Variants in APBB2 observed in about 807,000 individuals in gnomAD.
APBB2 encodes amyloid beta precursor protein binding family B member 2.
In APBB2, 38 loss-of-function variants were observed where a neutral mutation model predicts 82.5. The ratio of observed to expected loss-of-function variants is 0.46; its 90% CI spans 0.36 to 0.60. The LOEUF (loss-of-function observed/expected upper bound fraction) is 0.60. APBB2 is among the 20% of genes least tolerant of loss of function. The pLI is 0.00. For missense variants in APBB2, 772 were observed against 972.3 expected (o/e 0.79, Z 2.74); for synonymous variants, 341 against 368.2 (o/e 0.93, Z 0.85).
chr4:41,120,138 T>C (rs1580202013), intron 2 of APBB2, among the ~76,000 whole-genome samples: 1 of 152,320 alleles, frequency 6.6e-6, no homozygotes, highest in African/African-American at 2.4e-5. Context: ...CTTCAAGGCC[T>C]GGCTCCATGC....
At chr4:41,193,306 A>G (rs1294965878) in intron 1 of APBB2, among the ~76,000 whole-genome samples, 1 of 152,254 alleles carries the variant, frequency 6.6e-6, no homozygotes, top group African/African-American at 2.4e-5. Flanking sequence ...ACTCTGTGAC[A>G]GGCCTCTTAG....
intron 1 of APBB2, among the ~76,000 whole-genome samples, chr4:41,148,327 G>C (rs1199920018): frequency 6.6e-6 from 1 of 152,162 alleles, no homozygotes; most frequent in South Asian, 2.1e-4. Flanking sequence ...AGAGGTTGTG[G>C]TTCCAGGTCT....
chr4:40,960,548 C>T (rs112852342), intron 6 of APBB2, among the ~76,000 whole-genome samples: 33,789 of 148,164 alleles, frequency 0.23, 3,921 homozygotes, highest in Middle Eastern at 0.27. Context: ...CCCGAGTTCA[C>T]GCCATTCTCC....
At chr4:41,014,475 T>A (rs772828858) in intron 5 of APBB2, 77 bp from the exon 6 acceptor site, 2 of 1,339,488 alleles carry the variant, frequency 1.5e-6, no homozygotes, top group Admixed American at 2.0e-5. Flanking sequence ...TATTTTTATA[T>A]AGAAAACTAA....
At chr4:40,957,154 A>T (rs1417957454) in intron 6 of APBB2, among the ~76,000 whole-genome samples, 1 of 152,226 alleles carries the variant, frequency 6.6e-6, no homozygotes, top group Non-Finnish European at 1.5e-5. Flanking sequence ...GCACATAGTA[A>T]TCACTCAGTA....
At chr4:40,873,828 C>A (rs909916271) in intron 12 of APBB2, among the ~76,000 whole-genome samples, 1 of 152,100 alleles carries the variant, frequency 6.6e-6, no homozygotes, top group Non-Finnish European at 1.5e-5. Context: ...GGGAAAAAAC[C>A]CGCAAAATAC....
chr4:41,130,870 A>G (rs959715951), intron 2 of APBB2, among the ~76,000 whole-genome samples: 5 of 151,866 alleles, frequency 3.3e-5, no homozygotes, highest in Non-Finnish European at 1.5e-5. Flanking sequence ...GGTCTGACTC[A>G]CACCAATTTC....
intron 10 of APBB2, among the ~76,000 whole-genome samples, chr4:40,928,803 T>C (rs941266156): frequency 1.3e-5 from 2 of 150,822 alleles, no homozygotes; most frequent in African/African-American, 4.9e-5. Flanking sequence ...GAGAGTCACT[T>C]GAACCCAGAA....
chr4:41,117,062 A>G (rs1275759366), intron 2 of APBB2, among the ~76,000 whole-genome samples: 1 of 151,992 alleles, frequency 6.6e-6, no homozygotes, highest in Non-Finnish European at 1.5e-5. Flanking sequence ...TCTCTAGGAA[A>G]GCTTTCCTAA....
intron 10 of APBB2, among the ~76,000 whole-genome samples, chr4:40,908,345 C>T (rs73810675): frequency 0.041 from 6,299 of 152,220 alleles, 245 homozygotes; most frequent in African/African-American, 0.1. Flanking sequence ...AACAAACACA[C>T]GGTGGTGTAT....
chr4:41,164,985 A>G (rs1340647700), intron 1 of APBB2, among the ~76,000 whole-genome samples: 1 of 152,250 alleles, frequency 6.6e-6, no homozygotes, highest in Non-Finnish European at 1.5e-5. Flanking sequence ...AAGGGCTTTA[A>G]GTGAGAATAT....
chr4:40,869,164 G>A (rs1373427072), intron 12 of APBB2, among the ~76,000 whole-genome samples: 5 of 152,108 alleles, frequency 3.3e-5, no homozygotes, highest in Non-Finnish European at 5.9e-5. Flanking sequence ...GAGTAGCTGG[G>A]ATTACAGGCA....
At chr4:40,942,972 G>A (rs763582203) in intron 7 of APBB2, among the ~76,000 whole-genome samples, 5 of 152,156 alleles carry the variant, frequency 3.3e-5, no homozygotes, top group Non-Finnish European at 5.9e-5. Context: ...ACCCCCGCCT[G>A]GGCCTCTGCA....
At chr4:41,154,458 T>C (rs1762993507) in intron 1 of APBB2, among the ~76,000 whole-genome samples, 2 of 152,216 alleles carry the variant, frequency 1.3e-5, no homozygotes, top group South Asian at 4.1e-4. Context: ...GGCATTGTTT[T>C]TCTGAACGAG....
intron 12 of APBB2, among the ~76,000 whole-genome samples, chr4:40,835,885 T>A (rs1753755060): frequency 6.6e-6 from 1 of 152,152 alleles, no homozygotes; most frequent in Non-Finnish European, 1.5e-5. Flanking sequence ...GAGTGGCAGA[T>A]GTGTGAGAGA....
chr4:41,172,675 C>A (rs554836426), intron 1 of APBB2, among the ~76,000 whole-genome samples: 3 of 152,214 alleles, frequency 2.0e-5, no homozygotes, highest in African/African-American at 7.2e-5. Flanking sequence ...GAAATGAAAT[C>A]CATATGCTTG....
intron 1 of APBB2, among the ~76,000 whole-genome samples, chr4:41,153,801 A>G (rs1321312006): frequency 1.3e-5 from 2 of 152,302 alleles, no homozygotes; most frequent in East Asian, 3.9e-4. Flanking sequence ...AATTTTAGTG[A>G]AACAAAATTA....
intron 4 of APBB2, among the ~76,000 whole-genome samples, chr4:41,064,918 C>A (rs1731185266): frequency 6.6e-6 from 1 of 152,092 alleles, no homozygotes; most frequent in Non-Finnish European, 1.5e-5. Flanking sequence ...TAATTTATGG[C>A]ATTATTATCA....
chr4:40,847,759 A>C (rs1412935167), intron 12 of APBB2, among the ~76,000 whole-genome samples: 1 of 151,904 alleles, frequency 6.6e-6, no homozygotes, highest in Non-Finnish European at 1.5e-5. Flanking sequence ...GATAACATGG[A>C]AAGCCAATAC....
Sources: allele counts gnomAD v4.1 joint callset (sites outside exome capture counted in the v4.1 genomes callset), GRCh38; gene constraint gnomAD v4.1.1; transcripts MANE v1.5; gene names NCBI Gene and HGNC (gene_info 2026-07-23, HGNC 2026-07-21).